Variants in PDCD11 observed in about 807,000 individuals in gnomAD.
PDCD11 encodes protein RRP5 homolog.
Under a neutral mutation model 198.9 loss-of-function variants are expected in PDCD11, and 97 were observed. That is an observed-to-expected ratio of 0.49 (90% CI 0.41 to 0.58). PDCD11 has a LOEUF of 0.58. PDCD11 is among the 20% of genes least tolerant of loss of function. PDCD11 has a pLI of 0.00. For synonymous variants in PDCD11, 893 were observed against 918.0 expected (o/e 0.97, Z 0.49); for missense variants, 2,102 against 2,312.7 (o/e 0.91, Z 1.87).
chr10:103,410,967 C>T (rs1394198347), intron 8 of PDCD11, among the ~76,000 whole-genome samples: 8 of 150,702 alleles, frequency 5.3e-5, no homozygotes, highest in Non-Finnish European at 8.8e-5. Context: ...CCCAGCTACT[C>T]GGGAGACTGA....
At chr10:103,412,439 G>A (rs1360378492) in intron 8 of PDCD11, among the ~76,000 whole-genome samples, 1 of 152,120 alleles carries the variant, frequency 6.6e-6, no homozygotes, top group Non-Finnish European at 1.5e-5. Flanking sequence ...TCCTGCTTGA[G>A]CCTCCTGAGT....
intron 6 of PDCD11, 71 bp from the exon 7 acceptor site, chr10:103,406,538 A>C (rs894537703): frequency 1.4e-6 from 2 of 1,401,022 alleles, no homozygotes; most frequent in Non-Finnish European, 2.0e-6. Context: ...TTCAGGTATT[A>C]CTTGGGCCCA....
chr10:103,433,251 T>G (rs1344251400), intron 22 of PDCD11, among the ~76,000 whole-genome samples: 2 of 152,084 alleles, frequency 1.3e-5, no homozygotes, highest in Admixed American at 1.3e-4. Context: ...TCCCAGCACT[T>G]TGGGAGGCCG....
intron 7 of PDCD11, among the ~76,000 whole-genome samples, chr10:103,409,217 C>T (rs2133687749): frequency 6.6e-6 from 1 of 152,256 alleles, no homozygotes; most frequent in South Asian, 2.1e-4. Context: ...TCTCCCTCAC[C>T]ACTATCTTTT....
chr10:103,397,420 C>T (rs899377815), intron 1 of PDCD11, among the ~76,000 whole-genome samples: 1 of 152,100 alleles, frequency 6.6e-6, no homozygotes, highest in African/African-American at 2.4e-5. Flanking sequence ...CAAGGTCTTC[C>T]ACAAAAAAGC....
Position 103,417,686 on chromosome 10 carries a change from G to C in PDCD11, c.1771-106G>C, listed in dbSNP as rs1190326377. On this transcript the variant is annotated intron_variant, in intron 13 of 35. Transcript: ENST00000369797. Reference sequence around the variant, plus strand: ...CACTGCCTCCTGATCTGATCCAAAGGCTCGGTAGATCTCCCAAGTCCTCTG... The same window carrying C: ...CACTGCCTCCTGATCTGATCCAAAGCCTCGGTAGATCTCCCAAGTCCTCTG... 4.1e-6 allele frequency: 5 copies of C among 1,210,158 alleles called. No individual in the cohort carries two copies. In the African/African-American group the frequency reaches 7.6e-5, roughly 18 times the overall value. The allele number at this position is 1,210,158 out of a possible 1,614,324, so 75.0% of individuals were successfully genotyped here.
At chr10:103,402,053 AT>A (rs1160720184) in intron 3 of PDCD11, among the ~76,000 whole-genome samples, 2 of 152,100 alleles carry the variant, frequency 1.3e-5, no homozygotes, top group Admixed American at 6.6e-5. Context: ...AAAACTAAAA[AT>A]TTTTTTACAT....
chr10:103,433,905 T>C (rs1345394388), intron 22 of PDCD11, 43 bp from the exon 23 acceptor site: 7 of 1,438,874 alleles, frequency 4.9e-6, no homozygotes, highest in East Asian at 2.3e-5. Flanking sequence ...CGGGAAACCT[T>C]GTATTTGTAT....
intron 25 of PDCD11, among the ~76,000 whole-genome samples, chr10:103,436,659 G>A (rs527684720): frequency 8.5e-4 from 130 of 152,314 alleles, no homozygotes; most frequent in African/African-American, 3.1e-3. Context: ...ATCATCTCTG[G>A]TTTCTCTTGA....
At chr10:103,402,630 G>C (rs1001590763) in intron 3 of PDCD11, among the ~76,000 whole-genome samples, 1 of 152,054 alleles carries the variant, frequency 6.6e-6, no homozygotes, top group East Asian at 1.9e-4. Flanking sequence ...GTAGAGACGG[G>C]GTTTTGCCGT....
In PDCD11 at chr10:103,442,443, T is replaced by G; in HGVS notation, c.4938T>G (p.Leu1646=). The stretch of plus-strand genomic sequence containing the variant: ...CCCGTGCCGTGGCTGAGAGGGCCCT[T>G]AAGACCATCTCCTTCAGGTCTCAGC... ...EKARAVAERA[L]KTISFREEQE... is the part of the protein sequence containing the mutation. Residue 1646 remains leucine, a synonymous_variant, in exon 32 of 36, where the codon CTT becomes CTG. Coordinates refer to ENST00000369797, the MANE Select transcript of PDCD11 (RefSeq NM_014976.2). 1.2e-6 allele frequency: 2 copies of G among 1,613,840 alleles called. No individual in the cohort carries two copies. The highest frequency in any genetic ancestry group is 1.7e-6 in the Non-Finnish European group (2 of 1,179,928).
At position 103,438,697 on chromosome 10, in the gene PDCD11, A is replaced by C; in HGVS notation, c.3914A>C (p.Glu1305Ala). ...TTTTATTCCTTTAGAACAAACCCGGAGACGAAAAGCAAAGTAGAAGATCCA... is the reference window on the plus strand; with the variant it reads ...TTTTATTCCTTTAGAACAAACCCGGCGACGAAAAGCAAAGTAGAAGATCCA... Reference protein sequence around the residue: ...LSLRSSRTNPETKSKVEDPEI... With the variant: ...LSLRSSRTNPATKSKVEDPEI... The change falls in exon 27 of 36, where the codon GAG (glutamate) becomes GCG (alanine). Residue 1305 changes from glutamate to alanine, a missense_variant. Glu to Ala is a moderately radical substitution (Grantham distance 107). Transcript: ENST00000369797. 1.9e-6 allele frequency: 3 copies of C among 1,614,202 alleles called. No homozygotes were observed.
rs530515502 is a variant in PDCD11, at chr10:103,445,392, G to A, written c.5459G>A (p.Arg1820Gln). 6.3e-5 allele frequency: 101 copies of A among 1,614,174 alleles called. No individual in the cohort carries two copies. The Middle Eastern group carries it at 6.6e-4, about 11-fold the overall frequency. Residue 1820 changes from arginine (R) to glutamine (Q), a missense_variant, in exon 36 of 36, where the codon CGG becomes CAG. Transcript: ENST00000369797. ...TTCCTCAACAGGGACATCTTTGAGC[G>A]GGTCATTCATCTGAGCTTGGCCCCC... ...SQKDVRDIFE[R>Q]VIHLSLAPKR...
At chr10:103,408,332 T>G (rs1385816563) in intron 7 of PDCD11, among the ~76,000 whole-genome samples, 1 of 152,004 alleles carries the variant, frequency 6.6e-6, no homozygotes, top group Non-Finnish European at 1.5e-5. Flanking sequence ...GTCCCATGTA[T>G]TCTTCTTTTT....
At chr10:103,432,360 G>A in intron 22 of PDCD11, 126 bp downstream of exon 22, 1 of 692,826 alleles carries the variant, frequency 1.4e-6, no homozygotes. Flanking sequence ...TGGGTTTGTG[G>A]GAGACAGTAC....
intron 13 of PDCD11, 103 bp from the exon 14 acceptor site, chr10:103,417,689 C>T (rs928116221): frequency 1.3e-5 from 16 of 1,233,478 alleles, no homozygotes; most frequent in South Asian, 8.5e-5. Context: ...TCCAAAGGCT[C>T]GGTAGATCTC....
rs1423700434 is a variant in PDCD11, at chr10:103,419,716, C to G, written c.2277+8C>G. 1.2e-6 allele frequency: 2 copies of G among 1,613,340 alleles called. No individual in the cohort carries two copies. The highest frequency in any genetic ancestry group is 8.5e-7 in the Non-Finnish European group (1 of 1,179,504). ...GGACTGGCCCCAAAAGCTGTAAGTT[C>G]AACTCCATGTACAAGGGCTTTGAGG... On this transcript the variant is annotated splice_region_variant and intron_variant, in intron 16 of 35. Transcript: ENST00000369797.
rs2032041672 is a variant in PDCD11, at chr10:103,433,975, G to A, written c.3502G>A (p.Val1168Met). The A allele has an allele frequency of 1.9e-6, 3 of 1,613,800 alleles. No homozygotes were observed. Among genetic ancestry groups the A allele is most frequent in the Admixed American group, 3.3e-5 (2 of 59,992 alleles). ...CAATGTGGTGAAGAAATGGCTTGAG[G>A]TGGAGATTGCCCCAGACATCCGGGG... is the stretch of plus-strand genomic sequence containing the variant. ...KYNVVKKWLE[V>M]EIAPDIRGRI... is the part of the protein sequence containing the mutation. Residue 1168 changes from valine (V) to methionine (M), a missense_variant, in exon 23 of 36, where the codon GTG becomes ATG. Transcript: ENST00000369797.
intron 8 of PDCD11, among the ~76,000 whole-genome samples, chr10:103,411,598 C>A (rs894410068): frequency 6.6e-6 from 1 of 152,068 alleles, no homozygotes; most frequent in African/African-American, 2.4e-5. Context: ...AACACCTGGG[C>A]TCAAATGATC....
Sources: allele counts gnomAD v4.1 joint callset (sites outside exome capture counted in the v4.1 genomes callset), GRCh38; gene constraint gnomAD v4.1.1; transcripts MANE v1.5; gene names NCBI Gene and HGNC (gene_info 2026-07-23, HGNC 2026-07-21).